Variants in ZRANB3 observed in about 807,000 individuals in gnomAD.
ZRANB3 encodes the protein zinc finger RANBP2-type containing 3.
Under a neutral mutation model 133.8 loss-of-function variants are expected in ZRANB3, and 125 were observed. That is an observed-to-expected ratio of 0.93 (90% CI 0.81 to 1.08). ZRANB3 has a LOEUF of 1.08. Ranked by LOEUF, ZRANB3 falls within the 50% of genes least tolerant of loss-of-function variation. The pLI is 0.00. For missense variants in ZRANB3, 1,229 were observed against 1,275.5 expected (o/e 0.96, Z 0.56); for synonymous variants, 387 against 432.7 (o/e 0.89, Z 1.31).
At chr2:135,523,224 T>G (rs1262220433) in intron 1 of ZRANB3, among the ~76,000 whole-genome samples, 1 of 152,202 alleles carries the variant, frequency 6.6e-6, no homozygotes, top group Non-Finnish European at 1.5e-5. Flanking sequence ...CACTTATTAT[T>G]CATTATTCCC....
chr2:135,209,022 A>C, intron 17 of ZRANB3, 44 bp from the exon 18 acceptor site: 1 of 1,563,564 alleles, frequency 6.4e-7, no homozygotes, highest in Non-Finnish European at 8.8e-7. Context: ...ATCTCATATA[A>C]AAATGTCTCT....
intron 12 of ZRANB3, among the ~76,000 whole-genome samples, chr2:135,231,924 G>C (rs1695039090): frequency 6.6e-6 from 1 of 152,168 alleles, no homozygotes; most frequent in Admixed American, 6.5e-5. Context: ...CATCTCACTG[G>C]GGAGTGTCAG....
chr2:135,359,764 C>G (rs1013030245), intron 3 of ZRANB3, among the ~76,000 whole-genome samples: 20 of 152,106 alleles, frequency 1.3e-4, no homozygotes, highest in Admixed American at 6.6e-5. Context: ...TAAGAACCCC[C>G]AACTTCTTAT....
intron 2 of ZRANB3, among the ~76,000 whole-genome samples, chr2:135,432,436 T>C (rs1483823020): frequency 6.6e-6 from 1 of 152,202 alleles, no homozygotes; most frequent in Non-Finnish European, 1.5e-5. Context: ...TTCTAAAATT[T>C]TGAGTCAAGA....
chr2:135,316,998 A>ATATATG (rs1683296430), intron 6 of ZRANB3, among the ~76,000 whole-genome samples: 2 of 149,448 alleles, frequency 1.3e-5, no homozygotes, highest in African/African-American at 4.9e-5. Context: ...ATATATATAT[A>ATATATG]TATACTTGCA....
chr2:135,489,802 T>A (rs569054169), intron 2 of ZRANB3, among the ~76,000 whole-genome samples: 125 of 151,596 alleles, frequency 8.2e-4, no homozygotes, highest in African/African-American at 2.9e-3. Context: ...AAATTAAGAA[T>A]GCAAAAGAGA....
intron 8 of ZRANB3, among the ~76,000 whole-genome samples, chr2:135,277,717 GA>G (rs553628478): frequency 1.5e-4 from 23 of 152,222 alleles, no homozygotes; most frequent in Non-Finnish European, 2.2e-4. Context: ...TTAAGGTCAG[GA>G]GTTCAAGAAC....
At chr2:135,393,787 AATC>A (rs945468017) in intron 2 of ZRANB3, among the ~76,000 whole-genome samples, 1 of 152,212 alleles carries the variant, frequency 6.6e-6, no homozygotes, top group African/African-American at 2.4e-5. Context: ...GTACTGGTCT[AATC>A]ATCAACTCTA....
intron 3 of ZRANB3, among the ~76,000 whole-genome samples, chr2:135,363,865 C>T (rs768693637): frequency 6.6e-5 from 10 of 152,006 alleles, no homozygotes; most frequent in African/African-American, 2.4e-4. Flanking sequence ...TGTCTGATGC[C>T]AGGATTTTTG....
intron 1 of ZRANB3, chr2:135,510,649 C>T (rs746959261): frequency 1.3e-6 from 1 of 785,258 alleles, no homozygotes; most frequent in Non-Finnish European, 2.3e-6. Context: ...ACATAGAGGG[C>T]CTCCAGGTCC....
intron 17 of ZRANB3, among the ~76,000 whole-genome samples, chr2:135,214,786 GA>G (rs1333277076): frequency 6.6e-6 from 1 of 152,120 alleles, no homozygotes; most frequent in African/African-American, 2.4e-5. Context: ...ACGCCCATGG[GA>G]AAAAAATCAA....
At chr2:135,397,155 C>A (rs1295706666) in intron 2 of ZRANB3, among the ~76,000 whole-genome samples, 1 of 151,366 alleles carries the variant, frequency 6.6e-6, no homozygotes, top group Non-Finnish European at 1.5e-5. Context: ...ACAAACAAAA[C>A]CAAGAGACCG....
At chr2:135,527,546 G>A (rs530368811) in intron 1 of ZRANB3, among the ~76,000 whole-genome samples, 9 of 149,354 alleles carry the variant, frequency 6.0e-5, no homozygotes, top group East Asian at 3.9e-4. Context: ...AGACTCTGTC[G>A]CAAAATAAAA....
chr2:135,388,971 G>A (rs908394845), intron 3 of ZRANB3, among the ~76,000 whole-genome samples: 2 of 152,076 alleles, frequency 1.3e-5, no homozygotes, highest in African/African-American at 2.4e-5. Flanking sequence ...CCAGCTACTC[G>A]GGAGGCTGAG....
intron 3 of ZRANB3, among the ~76,000 whole-genome samples, chr2:135,369,653 G>A (rs1469819114): frequency 6.6e-6 from 1 of 152,094 alleles, no homozygotes; most frequent in East Asian, 1.9e-4. Context: ...AGCCGAAAAA[G>A]TGAGACCACT....
chr2:135,233,960 A>T (rs1186029161), intron 12 of ZRANB3, among the ~76,000 whole-genome samples: 3 of 152,246 alleles, frequency 2.0e-5, no homozygotes, highest in Non-Finnish European at 4.4e-5. Flanking sequence ...CCTTAAATGT[A>T]AATGGGCTAA....
intron 15 of ZRANB3, among the ~76,000 whole-genome samples, chr2:135,220,659 C>T (rs1169863886): frequency 7.1e-6 from 1 of 140,862 alleles, no homozygotes; most frequent in African/African-American, 2.7e-5. Context: ...GATCCCGCCA[C>T]TGCACTCCAG....
Position 135,200,368 on chromosome 2 carries a change from T to C in ZRANB3, c.3214A>G (p.Ile1072Val). Residue 1072 changes from isoleucine (I) to valine (V), a missense_variant, in exon 21 of 21, where the codon ATC becomes GTC. Coordinates refer to ENST00000264159, the MANE Select transcript of ZRANB3 (RefSeq NM_032143.4). ...QSLASKHGSD[I>V]TRFLVKK is the part of the protein sequence containing the mutation. ...TACTTCTTTACCAAAAATCGTGTGA[T>C]GTCTGATCCATGCTTTGATGCTAGA... The C allele has an allele frequency of 6.2e-7, 1 of 1,604,762 alleles. No individual in the cohort carries two copies. Among genetic ancestry groups the C allele is most frequent in the Non-Finnish European group, 8.5e-7 (1 of 1,175,182 alleles).
chr2:135,512,595 T>C (rs1574233975), intron 1 of ZRANB3, among the ~76,000 whole-genome samples: 1 of 151,672 alleles, frequency 6.6e-6, no homozygotes, highest in Non-Finnish European at 1.5e-5. Flanking sequence ...TTAAAAGACA[T>C]ACCCTTAAAT....
Sources: gnomAD v4.1 joint callset for allele counts (sites outside exome capture counted in the v4.1 genomes callset) on GRCh38, gnomAD v4.1.1 for gene constraint, MANE v1.5 for transcripts, NCBI Gene and HGNC (gene_info 2026-07-23, HGNC 2026-07-21) for gene names.